The following SYNE1 variants were observed in gnomAD, a reference collection of about 807,000 sequenced individuals.
The protein encoded by SYNE1 is spectrin repeat containing nuclear envelope protein 1.
SYNE1 carries 616 observed loss-of-function variants against 1,111.0 expected under a neutral mutation model. That is an observed-to-expected ratio of 0.55 (90% confidence interval 0.52 to 0.59). SYNE1 has a LOEUF of 0.59. Among genes scored for constraint, SYNE1 ranks in the 20% least tolerant of loss-of-function variants. The pLI is 0.00. For synonymous variants in SYNE1, 3,855 were observed against 3,825.8 expected (o/e 1.01, Z -0.28); for missense variants, 10,006 against 10,417.0 (o/e 0.96, Z 1.72).
intron 116 of SYNE1, 98 bp downstream of exon 116, chr6:152,225,623 T>C: frequency 7.0e-7 from 1 of 1,426,300 alleles, no homozygotes; most frequent in East Asian, 2.3e-5. Flanking sequence ...TGTATAGATT[T>C]GATTATTTCC....
At chr6:152,372,942 C>T (rs932232993) in intron 59 of SYNE1, 95 bp downstream of exon 59, 208 of 1,366,740 alleles carry the variant, frequency 1.5e-4, no homozygotes, top group Non-Finnish European at 1.8e-4. Flanking sequence ...AAATCATTGA[C>T]AAGGGGGCTT....
intron 95 of SYNE1, 81 bp from the exon 96 acceptor site, chr6:152,284,253 C>T (rs2094195032): frequency 1.4e-6 from 2 of 1,420,086 alleles, no homozygotes; most frequent in South Asian, 2.4e-5. Context: ...GTCTCACATC[C>T]ATTGGGATTA....
In SYNE1 at chr6:152,407,064, T is replaced by C; in HGVS notation, c.6673A>G (p.Ser2225Gly). Residue 2225 changes from serine to glycine, a missense_variant, in exon 45 of 146, where the codon AGC becomes GGC. Ser to Gly is a moderately conservative substitution (Grantham distance 56). Coordinates refer to ENST00000367255, the MANE Select transcript of SYNE1 (RefSeq NM_182961.4). ...NCVPQMAENI[S>G]NLDNHLRAEE... ...GCTCTGAGGTGGTTATCCAGGTTGCTGATGTTTTCTGCCATCTGTGGAACG... is the reference window on the plus strand; with the variant it reads ...GCTCTGAGGTGGTTATCCAGGTTGCCGATGTTTTCTGCCATCTGTGGAACG... The C allele has an allele frequency of 6.2e-7, 1 of 1,614,054 alleles. No homozygotes were observed. Among genetic ancestry groups the C allele is most frequent in the South Asian group, 1.1e-5 (1 of 91,068 alleles).
chr6:152,634,630 T>C lies in SYNE1; in HGVS notation c.-224+2008A>G, dbSNP rs566906490. On this transcript the variant is annotated intron_variant, in intron 2 of 145. Transcript: ENST00000367255. ...GTTTCTTATTCACTAGTATGAATTA[T>C]ACAGAGTAACAATAAGAAATGATCT... 9.2e-5 allele frequency among the ~76,000 whole-genome samples: 14 copies of C among 152,344 alleles called. 1 individual carries two copies. The South Asian group carries it at 2.9e-3, about 32-fold the overall frequency.
chr6:152,599,192 C>T (rs892381426), intron 3 of SYNE1, among the ~76,000 whole-genome samples: 4 of 152,144 alleles, frequency 2.6e-5, no homozygotes, highest in Non-Finnish European at 5.9e-5. Context: ...AAATGATCAC[C>T]AATTTTAAAA....
At chr6:152,604,160 ATG>A (rs34756749) in intron 3 of SYNE1, among the ~76,000 whole-genome samples, 98 of 148,720 alleles carry the variant, frequency 6.6e-4, no homozygotes, top group East Asian at 2.0e-3. Flanking sequence ...AACCCTTTAT[ATG>A]TGTGTGTGTG....
rs546118314 is a variant in SYNE1 at position 152,462,503 on chromosome 6, T to C, written c.2250+235A>G. 111 of 597,096 alleles carry C rather than the reference T, an allele frequency of 1.9e-4. 2 individuals are homozygous for C. Among genetic ancestry groups the C allele is most frequent in the African/African-American group, 1.8e-3 (99 of 53,706 alleles). The allele number at this position is 597,096 out of a possible 1,614,324, so 37.0% of individuals were successfully genotyped here. A position where few individuals can be genotyped will look rare whatever the true frequency, so the allele number is the denominator to read the frequency against. On this transcript the variant is annotated intron_variant, in intron 20 of 145. Coordinates refer to ENST00000367255, the MANE Select transcript of SYNE1 (RefSeq NM_182961.4). ...TTCCTAATACTTTTTAACTTGGTTG[T>C]AGAAAAAAAAAATCTCCAAACTGAG...
intron 21 of SYNE1, among the ~76,000 whole-genome samples, chr6:152,459,518 T>G (rs569250364): frequency 6.6e-6 from 1 of 152,326 alleles, no homozygotes; most frequent in African/African-American, 2.4e-5. Context: ...CACACCAATT[T>G]ATTCATGAAG....
chr6:152,245,166 T>G (rs1459101860), intron 105 of SYNE1, among the ~76,000 whole-genome samples: 2 of 152,184 alleles, frequency 1.3e-5, no homozygotes, highest in African/African-American at 4.8e-5. Context: ...TCAACAAGTA[T>G]TCAAGTGGCT....
rs1403236317 is a variant in SYNE1 at position 152,275,067 on chromosome 6, C to T, written c.18573+3022G>A. 3.9e-5 allele frequency among the ~76,000 whole-genome samples: 6 copies of T among 152,204 alleles called. No individual in the cohort carries two copies. The East Asian group carries it at 5.8e-4, about 15-fold the overall frequency. ...GACCACAGGCGTGTGCCACCACGCC[C>T]GGCTAATGTTTTTATTATTTGTAGA... On this transcript the variant is annotated intron_variant, in intron 98 of 145. Transcript: ENST00000367255.
rs369222335 is a variant in SYNE1 at position 152,294,062 on chromosome 6, G to A, written c.17748C>T (p.Pro5916=). 2.1e-5 allele frequency: 34 copies of A among 1,613,970 alleles called. 2 individuals are homozygous for A. The South Asian group carries it at 3.5e-4, about 17-fold the overall frequency. ...RLQTDAAKIH[P]STSASQEFYE... is the part of the protein sequence containing the mutation. ...AGAACTCCTGGGATGCGGATGTGCTGGGGTGAATTTTTGCAGCATCTGTCT... is the reference window on the plus strand; with the variant it reads ...AGAACTCCTGGGATGCGGATGTGCTAGGGTGAATTTTTGCAGCATCTGTCT... The change falls in exon 94 of 146, where the codon CCC becomes CCT. Residue 5916 remains proline (P), a synonymous_variant. Coordinates refer to ENST00000367255, the MANE Select transcript of SYNE1 (RefSeq NM_182961.4).
Position 152,206,176 on chromosome 6 carries a change from A to C in SYNE1, c.23011T>G (p.Leu7671Val). Residue 7671 changes from leucine to valine, a missense_variant, in exon 126 of 146, where the codon TTG becomes GTG. Physicochemically the swap from Leu to Val is conservative, Grantham distance 32. Transcript: ENST00000367255. ...TTTCTAACTGAACTTACTTTCAACA[A>C]GAAGGCTAGTTTTTTCTTCTGTTCT... ...LEEQKKKLAFLLKDWEKCEKG... is the reference protein window; with the variant it reads ...LEEQKKKLAFVLKDWEKCEKG... 3 of 1,613,508 alleles carry C rather than the reference A, an allele frequency of 1.9e-6. No individual in the cohort carries two copies. The highest frequency in any genetic ancestry group is 2.5e-6 in the Non-Finnish European group (3 of 1,179,996).
chr6:152,386,633 T>A (rs557069364), intron 54 of SYNE1, among the ~76,000 whole-genome samples: 1 of 152,296 alleles, frequency 6.6e-6, no homozygotes, highest in African/African-American at 2.4e-5. Flanking sequence ...GTTTATACTT[T>A]GGAAAATAGA....
Position 152,628,295 on chromosome 6 carries a change from C to T in SYNE1, c.37G>A (p.Asp13Asn). 1 of 1,614,148 alleles carries T rather than the reference C, an allele frequency of 6.2e-7. No individual in the cohort carries two copies. Among genetic ancestry groups the T allele is most frequent in the Non-Finnish European group, 8.5e-7 (1 of 1,180,026 alleles). Residue 13 changes from aspartate (D) to asparagine (N), a missense_variant, in exon 3 of 146, where the codon GAT becomes AAT. By Grantham distance (23) the Asp-to-Asn change is conservative. Transcript: ENST00000367255. ...AGCCTCTGCATCACATTGGCGATAT[C>T]CCGAGGACACCGGGAGGCCCCTCTG... ...TSRGASRCPR[D>N]IANVMQRLQD...
chr6:152,559,818 A>G (rs2128216821), intron 3 of SYNE1, among the ~76,000 whole-genome samples: 1 of 152,328 alleles, frequency 6.6e-6, no homozygotes. Context: ...AGAAAACAAG[A>G]GAAAACAATC....
chr6:152,236,153 A>G lies in SYNE1; in HGVS notation c.20350T>C (p.Ser6784Pro). 1 of 1,614,164 alleles carries G rather than the reference A, an allele frequency of 6.2e-7. No individual in the cohort carries two copies. The highest frequency in any genetic ancestry group is 1.1e-5 in the South Asian group (1 of 91,080). Residue 6784 changes from serine to proline, a missense_variant, in exon 110 of 146, where the codon TCT becomes CCT. Physicochemically the swap from Ser to Pro is moderately conservative, Grantham distance 74. Coordinates refer to ENST00000367255, the MANE Select transcript of SYNE1 (RefSeq NM_182961.4). ...ECWLSNTNKM[S>P]KELHRLETIL... Reference sequence around the variant, plus strand: ...GTTTCCAGTCTGTGAAGTTCCTTAGACATTTTATTGGTGTTACTTAGCCAG... The same window carrying G: ...GTTTCCAGTCTGTGAAGTTCCTTAGGCATTTTATTGGTGTTACTTAGCCAG...
intron 12 of SYNE1, among the ~76,000 whole-genome samples, chr6:152,487,452 T>C (rs988602823): frequency 7.9e-5 from 12 of 152,236 alleles, no homozygotes; most frequent in African/African-American, 2.9e-4. Context: ...TCTACATTGA[T>C]GGGCATTTGG....
rs1325122554 is a variant in SYNE1 at position 152,176,303 on chromosome 6, A to G, written c.23627+91T>C. 7 of 1,555,364 alleles carry G rather than the reference A, an allele frequency of 4.5e-6. No homozygotes were observed. The Middle Eastern group carries it at 6.8e-4, about 152-fold the overall frequency. ...TGAGATAACCCAGGAAGAGAGACTG[A>G]TTTATTGGATTATCTTTGGCTGATG... On this transcript the variant is annotated intron_variant, in intron 130 of 145. Transcript: ENST00000367255.
At chr6:152,150,720 A>G (rs914695130) in intron 135 of SYNE1, among the ~76,000 whole-genome samples, 4 of 152,228 alleles carry the variant, frequency 2.6e-5, no homozygotes, top group African/African-American at 9.6e-5. Context: ...TATCCCTCCT[A>G]TTCGAATTTC....
Sources: allele counts gnomAD v4.1 joint callset (sites outside exome capture counted in the v4.1 genomes callset), GRCh38; gene constraint gnomAD v4.1.1; transcripts MANE v1.5; gene names NCBI Gene and HGNC (gene_info 2026-07-23, HGNC 2026-07-21).